Variants in CNTNAP2 observed in about 807,000 individuals in gnomAD.
The protein encoded by CNTNAP2 is contactin-associated protein-like 2.
CNTNAP2 carries 98 observed loss-of-function variants against 155.2 expected under a neutral mutation model. The ratio of observed to expected loss-of-function variants is 0.63; its 90% CI spans 0.54 to 0.75. CNTNAP2 has a LOEUF of 0.75. Ranked by LOEUF, CNTNAP2 falls within the 30% of genes least tolerant of loss-of-function variation. CNTNAP2 has a pLI of 0.00. For synonymous variants in CNTNAP2, 651 were observed against 631.2 expected (o/e 1.03, Z -0.47); for missense variants, 1,727 against 1,688.1 (o/e 1.02, Z -0.40).
intron 1 of CNTNAP2, among the ~76,000 whole-genome samples, chr7:146,538,782 G>A (rs1026135311): frequency 2.8e-4 from 43 of 151,206 alleles, no homozygotes; most frequent in African/African-American, 1.0e-3. Flanking sequence ...AAGTTTAAAA[G>A]CAGACAAAAA....
At chr7:147,255,281 G>A (rs367571383) in intron 8 of CNTNAP2, among the ~76,000 whole-genome samples, 3 of 152,122 alleles carry the variant, frequency 2.0e-5, no homozygotes, top group African/African-American at 2.4e-5. Context: ...AAGTGCAGTA[G>A]TGGAATCTCA....
intron 9 of CNTNAP2, among the ~76,000 whole-genome samples, chr7:147,373,547 A>G (rs888683480): frequency 6.6e-6 from 1 of 152,124 alleles, no homozygotes; most frequent in Non-Finnish European, 1.5e-5. Context: ...ATATGTGTAT[A>G]TATTTATGAG....
chr7:147,287,218 T>G (rs1465469744), intron 8 of CNTNAP2, among the ~76,000 whole-genome samples: 1 of 152,072 alleles, frequency 6.6e-6, no homozygotes, highest in Non-Finnish European at 1.5e-5. Flanking sequence ...CAAACAGGAT[T>G]CTGGTTAAAC....
At chr7:147,273,255 ATTG>A (rs1804803132) in intron 8 of CNTNAP2, among the ~76,000 whole-genome samples, 1 of 152,250 alleles carries the variant, frequency 6.6e-6, no homozygotes, top group East Asian at 1.9e-4. Flanking sequence ...TGTTGTTTAA[ATTG>A]TTGTGGTATT....
At chr7:147,376,479 T>C (rs1450338870) in intron 9 of CNTNAP2, among the ~76,000 whole-genome samples, 1 of 152,066 alleles carries the variant, frequency 6.6e-6, no homozygotes, top group African/African-American at 2.4e-5. Context: ...GGTACAGACA[T>C]ATTTAGAATT....
intron 1 of CNTNAP2, among the ~76,000 whole-genome samples, chr7:146,360,098 A>G (rs1413977091): frequency 6.6e-6 from 1 of 152,204 alleles, no homozygotes; most frequent in Admixed American, 6.5e-5. Context: ...TCTACCTGAT[A>G]CAATCTGAAA....
intron 1 of CNTNAP2, among the ~76,000 whole-genome samples, chr7:146,273,702 C>T (rs892216122): frequency 6.6e-6 from 1 of 152,090 alleles, no homozygotes; most frequent in African/African-American, 2.4e-5. Context: ...AGATTTTCTT[C>T]TATTTATAGC....
At chr7:146,250,957 G>T (rs571992269) in intron 1 of CNTNAP2, among the ~76,000 whole-genome samples, 1 of 152,146 alleles carries the variant, frequency 6.6e-6, no homozygotes, top group Non-Finnish European at 1.5e-5. Flanking sequence ...TGACAAAATA[G>T]CCATTATTTT....
At position 146,482,399 on chromosome 7, in the gene CNTNAP2, T is replaced by TTATA. The variant is rs71763608; in HGVS notation, c.98-291854_98-291851dup. Among the ~76,000 whole-genome samples the TTATA allele has an allele frequency of 6.9e-4, 101 of 147,220 alleles. 1 individual carries two copies. Among genetic ancestry groups the TTATA allele is most frequent in the South Asian group, 2.8e-3 (13 of 4,590 alleles). On this transcript the variant is annotated intron_variant, in intron 1 of 23. Transcript: ENST00000361727. ...ATATATATGTATGTGTGTGTGTGTA[T>TTATA]TATATATATATATATATATATCTGT...
At chr7:147,458,289 G>A (rs1376114013) in intron 10 of CNTNAP2, among the ~76,000 whole-genome samples, 3 of 151,982 alleles carry the variant, frequency 2.0e-5, no homozygotes, top group South Asian at 2.1e-4. Flanking sequence ...AAATAGAAAC[G>A]TGGATCTCTC....
intron 11 of CNTNAP2, among the ~76,000 whole-genome samples, chr7:147,517,425 A>G (rs550487726): frequency 1.5e-4 from 23 of 152,326 alleles, no homozygotes; most frequent in African/African-American, 5.3e-4. Flanking sequence ...ACTTGGAAAG[A>G]AACATCCGAA....
intron 15 of CNTNAP2, among the ~76,000 whole-genome samples, chr7:148,079,041 G>A (rs1462673973): frequency 6.6e-6 from 1 of 152,106 alleles, no homozygotes; most frequent in Non-Finnish European, 1.5e-5. Flanking sequence ...GCATATCGTT[G>A]CTTGAATTGT....
intron 15 of CNTNAP2, among the ~76,000 whole-genome samples, chr7:148,038,421 C>T (rs982866504): frequency 6.6e-6 from 1 of 152,208 alleles, no homozygotes; most frequent in Non-Finnish European, 1.5e-5. Flanking sequence ...CTCTTCAACA[C>T]CCCCTCTTTG....
At chr7:147,010,308 C>T (rs1798601423) in intron 3 of CNTNAP2, among the ~76,000 whole-genome samples, 2 of 151,390 alleles carry the variant, frequency 1.3e-5, no homozygotes, top group South Asian at 2.1e-4. Context: ...CCATTCCTGG[C>T]CTAGATCTTG....
chr7:147,445,707 C>T (rs1175289245), intron 10 of CNTNAP2, among the ~76,000 whole-genome samples: 2 of 152,154 alleles, frequency 1.3e-5, no homozygotes, highest in Non-Finnish European at 2.9e-5. Context: ...TTTCAGAATA[C>T]TCTGTTCATG....
intron 4 of CNTNAP2, among the ~76,000 whole-genome samples, chr7:147,086,699 A>G (rs1478422199): frequency 6.6e-6 from 1 of 152,094 alleles, no homozygotes; most frequent in Non-Finnish European, 1.5e-5. Flanking sequence ...AGCCTCCCAA[A>G]TCGCTGGAAT....
intron 1 of CNTNAP2, among the ~76,000 whole-genome samples, chr7:146,430,155 A>G (rs10234982): frequency 3.3e-5 from 5 of 150,662 alleles, no homozygotes; most frequent in Non-Finnish European, 5.9e-5. Flanking sequence ...ATCGATGTTC[A>G]TCAAGGATAT....
At chr7:146,389,910 A>T (rs964614867) in intron 1 of CNTNAP2, among the ~76,000 whole-genome samples, 3 of 151,964 alleles carry the variant, frequency 2.0e-5, no homozygotes, top group South Asian at 4.2e-4. Context: ...CATGTTGGCC[A>T]GGCTGATCTC....
chr7:147,145,970 C>G (rs537510203), intron 8 of CNTNAP2, among the ~76,000 whole-genome samples: 4 of 152,268 alleles, frequency 2.6e-5, no homozygotes, highest in Admixed American at 2.6e-4. Context: ...CTCTCTAGTA[C>G]ACTGCATCAC....
Sources: gnomAD v4.1 joint callset for allele counts (sites outside exome capture counted in the v4.1 genomes callset) on GRCh38, gnomAD v4.1.1 for gene constraint, MANE v1.5 for transcripts, NCBI Gene and HGNC (gene_info 2026-07-23, HGNC 2026-07-21) for gene names.